The following TMEM132E variants were observed in gnomAD, a reference collection of about 807,000 sequenced individuals.
TMEM132E encodes the protein transmembrane protein 132E.
TMEM132E carries 49 observed loss-of-function variants against 78.5 expected under a neutral mutation model. That is an observed-to-expected ratio of 0.62 (90% confidence interval 0.50 to 0.79). The LOEUF (loss-of-function observed/expected upper bound fraction) is 0.79, where lower values mean the gene tolerates loss of function less well. TMEM132E is among the 30% of genes least tolerant of loss of function. The pLI, the probability that TMEM132E is intolerant of heterozygous loss-of-function variation, is 0.00. For synonymous variants in TMEM132E, 715 were observed against 670.6 expected (o/e 1.07, Z -1.02); for missense variants, 1,403 against 1,470.9 (o/e 0.95, Z 0.75).
At chr17:34,608,750 C>T (rs1423033638) in intron 1 of TMEM132E, among the ~76,000 whole-genome samples, 7 of 152,154 alleles carry the variant, frequency 4.6e-5, no homozygotes, top group African/African-American at 1.2e-4. Flanking sequence ...ACCTCTTTTT[C>T]GCAGAGACAG....
chr17:34,630,125 G>GA lies in TMEM132E; in HGVS notation c.1457dup (p.Ser487ValfsTer2). On this transcript the variant is annotated frameshift_variant, in exon 5 of 9. Transcript: ENST00000631683. LOFTEE classifies it high-confidence loss of function. ...GGACATCTCCGCCCTAGTGGAATGC[G>GA]AGTCTGACAATGAAGACATCATCAA... 6.2e-7 allele frequency: 1 copy of GA among 1,613,064 alleles called. No homozygotes were observed. Among genetic ancestry groups the GA allele is most frequent in the Non-Finnish European group, 8.5e-7 (1 of 1,179,176 alleles).
Position 34,628,684 on chromosome 17 carries a change from G to T in TMEM132E, c.1120G>T (p.Ala374Ser). The change falls in exon 3 of 9, where the codon GCT (alanine) becomes TCT (serine). Residue 374 changes from alanine to serine, a missense_variant. By Grantham distance (99) the Ala-to-Ser change is moderately conservative. This residue lies in a region of TMEM132E where 888 missense variants were observed against 952.8 expected (regional missense o/e 0.93). Transcript: ENST00000631683. ...AACAGCCACCGTGGATGTGGCCTGG[G>T]CTCAGAGCACACCCCTGCCCCCCAG... ...HSTATVDVAW[A>S]QSTPLPPREG... 3 of 1,610,084 alleles carry T rather than the reference G, an allele frequency of 1.9e-6. No individual in the cohort carries two copies. Among genetic ancestry groups the T allele is most frequent in the Middle Eastern group, 3.4e-4 (2 of 5,876 alleles).
At chr17:34,637,138 C>T (rs1203550887) in intron 8 of TMEM132E, 39 bp from the exon 9 acceptor site, 2 of 1,545,340 alleles carry the variant, frequency 1.3e-6, no homozygotes, top group Non-Finnish European at 1.8e-6. Context: ...GCTGAACCAG[C>T]TCTTTGACTC....
chr17:34,629,148 G>A lies in TMEM132E; in HGVS notation c.1282G>A (p.Val428Ile). The change falls in exon 4 of 9, where the codon GTC becomes ATC. Residue 428 changes from valine (V) to isoleucine (I), a missense_variant. By Grantham distance (29) the Val-to-Ile change is conservative (BLOSUM62 3). Coordinates refer to ENST00000631683, the MANE Select transcript of TMEM132E (RefSeq NM_001304438.2). The part of the protein sequence containing the change: ...HGALPDLERA[V>I]TELTVIQRDV... Reference sequence around the variant, plus strand: ...CGCCCTGCCTGACCTGGAGCGGGCAGTCACTGAGCTGACGGTCATTCAGCG... The same window carrying A: ...CGCCCTGCCTGACCTGGAGCGGGCAATCACTGAGCTGACGGTCATTCAGCG... 1.2e-6 allele frequency: 2 copies of A among 1,614,126 alleles called. No homozygotes were observed. Among genetic ancestry groups the A allele is most frequent in the South Asian group, 1.1e-5 (1 of 91,070 alleles).
intron 1 of TMEM132E, among the ~76,000 whole-genome samples, chr17:34,584,990 G>A (rs1035712819): frequency 6.6e-6 from 1 of 152,196 alleles, no homozygotes; most frequent in African/African-American, 2.4e-5. Context: ...CAAGCCCTGA[G>A]CCCTTTTGGA....
chr17:34,590,903 A>G (rs1905846036), intron 1 of TMEM132E, among the ~76,000 whole-genome samples: 1 of 152,096 alleles, frequency 6.6e-6, no homozygotes, highest in Admixed American at 6.5e-5. Flanking sequence ...GCAGCATCTG[A>G]TCTGGGAGTG....
At chr17:34,598,690 T>G (rs1906134364) in intron 1 of TMEM132E, among the ~76,000 whole-genome samples, 1 of 152,150 alleles carries the variant, frequency 6.6e-6, no homozygotes, top group Non-Finnish European at 1.5e-5. Context: ...GTCCTCTGCT[T>G]CCTCTCTGAT....
chr17:34,630,264 C>A, intron 5 of TMEM132E, 113 bp downstream of exon 5: 3 of 1,165,304 alleles, frequency 2.6e-6, no homozygotes, highest in Non-Finnish European at 3.6e-6. Flanking sequence ...AACACTGAAC[C>A]CAGGCCTCCC....
intron 1 of TMEM132E, among the ~76,000 whole-genome samples, chr17:34,598,845 G>A (rs945487370): frequency 6.6e-6 from 1 of 152,188 alleles, no homozygotes; most frequent in Non-Finnish European, 1.5e-5. Flanking sequence ...GGGTTTCCCT[G>A]GGGTGGGGAG....
intron 2 of TMEM132E, among the ~76,000 whole-genome samples, chr17:34,627,382 T>C (rs1907187164): frequency 6.6e-6 from 1 of 151,748 alleles, no homozygotes; most frequent in African/African-American, 2.4e-5. Context: ...GAAGGGCCCT[T>C]AGACATTTTA....
chr17:34,623,398 C>A (rs1436637613), intron 1 of TMEM132E, among the ~76,000 whole-genome samples: 1 of 19,660 alleles, frequency 5.1e-5, no homozygotes, highest in East Asian at 2.5e-3. Flanking sequence ...GGCTAGTACC[C>A]GCTCCCCCCC....
chr17:34,583,588 C>CT (rs1905569239), intron 1 of TMEM132E, among the ~76,000 whole-genome samples: 1 of 152,210 alleles, frequency 6.6e-6, no homozygotes, highest in Admixed American at 6.5e-5. Context: ...GGTTCCGGGG[C>CT]TTTTCTAAAA....
Position 34,638,309 on chromosome 17 carries a change from T to G in TMEM132E, c.*77T>G, listed in dbSNP as rs1907618149. On this transcript the variant is annotated 3_prime_UTR_variant, in exon 9 of 9. Transcript: ENST00000631683. ...GGTAGGACACAGCCGGGACCCCGGT[T>G]CACACTGACTCTGGGCGGCTGAATT... is the stretch of plus-strand genomic sequence containing the variant. The G allele has an allele frequency of 7.3e-7, 1 of 1,369,348 alleles. No homozygotes were observed. Among genetic ancestry groups the G allele is most frequent in the Non-Finnish European group, 9.7e-7 (1 of 1,027,622 alleles). The allele number at this position is 1,369,348 out of a possible 1,614,324, so 84.8% of individuals were successfully genotyped here. A position where few individuals can be genotyped will look rare whatever the true frequency, so the allele number is the denominator to read the frequency against.
At chr17:34,619,264 C>T (rs1002706481) in intron 1 of TMEM132E, among the ~76,000 whole-genome samples, 3 of 151,366 alleles carry the variant, frequency 2.0e-5, no homozygotes, top group African/African-American at 4.9e-5. Context: ...GTTCTAGGCT[C>T]GGGGTACTTG....
chr17:34,593,021 C>T (rs754021673), intron 1 of TMEM132E, among the ~76,000 whole-genome samples: 2 of 152,074 alleles, frequency 1.3e-5, no homozygotes, highest in Non-Finnish European at 2.9e-5. Flanking sequence ...TTAATCTTGT[C>T]TATTTATCAC....
chr17:34,637,980 G>T lies in TMEM132E; in HGVS notation c.2973G>T (p.Ser991=), dbSNP rs1287357750. 1.9e-6 allele frequency: 3 copies of T among 1,591,096 alleles called. No homozygotes were observed. The highest frequency in any genetic ancestry group is 1.9e-4 in the Middle Eastern group (1 of 5,234). Residue 991 remains serine (S), a synonymous_variant, in exon 9 of 9, where the codon TCG becomes TCT. Transcript: ENST00000631683. ...TGCACGGCAGGGGCGACGGCTCCTC[G>T]GGCGGCTCAGCCCGAGACCAAGCCG... ...SQVHGRGDGS[S]GGSARDQAED...
In TMEM132E at chr17:34,626,217, G is replaced by T. The variant is rs774649666; in HGVS notation, c.158G>T (p.Arg53Leu). The T allele has an allele frequency of 2.5e-6, 4 of 1,581,436 alleles. No individual in the cohort carries two copies. In the African/African-American group the frequency reaches 5.4e-5, roughly 21 times the overall value. ...GTCAGCTACCGCCTGTCGCACACGC[G>T]GCTGGCCTTCTTCCTGCGGGAGGCG... ...LPVSYRLSHT[R>L]LAFFLREARP... The change falls in exon 2 of 9, where the codon CGG becomes CTG. Residue 53 changes from arginine (R) to leucine (L), a missense_variant. Coordinates refer to ENST00000631683, the MANE Select transcript of TMEM132E (RefSeq NM_001304438.2).
chr17:34,604,343 T>G (rs772578047), intron 1 of TMEM132E, among the ~76,000 whole-genome samples: 10 of 152,182 alleles, frequency 6.6e-5, no homozygotes, highest in Non-Finnish European at 1.3e-4. Flanking sequence ...TCCCTAGTCT[T>G]GGTCTCCCCA....
chr17:34,601,982 C>T (rs2142060411), intron 1 of TMEM132E, among the ~76,000 whole-genome samples: 1 of 152,360 alleles, frequency 6.6e-6, no homozygotes, highest in South Asian at 2.1e-4. Context: ...TTTGGACTCA[C>T]AGTCTAGTGC....
Sources: gnomAD v4.1 joint callset for allele counts (sites outside exome capture counted in the v4.1 genomes callset) on GRCh38, gnomAD v4.1.1 for gene constraint, gnomAD v4.1.1 regional missense constraint, MANE v1.5 for transcripts, NCBI Gene and HGNC (gene_info 2026-07-23, HGNC 2026-07-21) for gene names.